Variants in CCDC171 observed in about 807,000 individuals in gnomAD.
CCDC171 encodes coiled-coil domain containing 171.
Under a neutral mutation model 168.2 loss-of-function variants are expected in CCDC171, and 177 were observed. The ratio of observed to expected loss-of-function variants is 1.05; its 90% CI spans 0.93 to 1.19. The LOEUF (loss-of-function observed/expected upper bound fraction) is 1.19, where lower values mean the gene tolerates loss of function less well. Ranked by LOEUF, CCDC171 falls within the 50% of genes most tolerant of loss-of-function variation. CCDC171 has a pLI of 0.00. For missense variants in CCDC171, 1,991 were observed against 1,539.0 expected (o/e 1.29, Z -4.91); for synonymous variants, 687 against 540.8 (o/e 1.27, Z -3.75).
chr9:15,713,775 G>T (rs546377805), intron 11 of CCDC171, among the ~76,000 whole-genome samples: 3 of 151,866 alleles, frequency 2.0e-5, no homozygotes, highest in African/African-American at 4.8e-5. Flanking sequence ...TGTTCATCAG[G>T]TGCATTCAGA....
At chr9:15,870,755 C>T (rs1403071286) in intron 23 of CCDC171, among the ~76,000 whole-genome samples, 1 of 149,776 alleles carries the variant, frequency 6.7e-6, no homozygotes, top group Non-Finnish European at 1.5e-5. Flanking sequence ...CTAGAAATGA[C>T]TAATTTAATT....
At chr9:15,570,814 G>A (rs1227097225) in intron 2 of CCDC171, among the ~76,000 whole-genome samples, 2 of 152,144 alleles carry the variant, frequency 1.3e-5, no homozygotes, top group African/African-American at 4.8e-5. Context: ...CAAGCTTCTT[G>A]TATATAGTAT....
chr9:15,964,660 C>G (rs1830631091), intron 25 of CCDC171, among the ~76,000 whole-genome samples: 1 of 152,134 alleles, frequency 6.6e-6, no homozygotes, highest in East Asian at 1.9e-4. Flanking sequence ...ATCAGGAAAT[C>G]TAAACATCCT....
At chr9:16,028,876 G>C (rs2133036920) in intron 6 of CCDC171, among the ~76,000 whole-genome samples, 1 of 152,252 alleles carries the variant, frequency 6.6e-6, no homozygotes, top group South Asian at 2.1e-4. Flanking sequence ...TGCAGTCTAA[G>C]GCACTTCCAA....
chr9:15,891,540 A>T (rs544063751), intron 24 of CCDC171, among the ~76,000 whole-genome samples: 2 of 152,272 alleles, frequency 1.3e-5, no homozygotes, highest in East Asian at 3.9e-4. Flanking sequence ...TTTAGTCTGC[A>T]AAAAGTGTAA....
chr9:15,802,084 T>C (rs1358583029), intron 21 of CCDC171, among the ~76,000 whole-genome samples: 1 of 151,932 alleles, frequency 6.6e-6, no homozygotes, highest in Non-Finnish European at 1.5e-5. Context: ...GTTTTCTTTT[T>C]TTGATTTGTC....
chr9:15,772,676 C>A (rs1381103305), intron 18 of CCDC171, among the ~76,000 whole-genome samples: 1 of 152,136 alleles, frequency 6.6e-6, no homozygotes, highest in Admixed American at 6.6e-5. Context: ...GTTTAAAATC[C>A]ATTCTTAGAT....
At chr9:15,967,362 A>C (rs181257763) in intron 25 of CCDC171, among the ~76,000 whole-genome samples, 1 of 152,218 alleles carries the variant, frequency 6.6e-6, no homozygotes. Flanking sequence ...AGTAATGAAA[A>C]GAGTACTATA....
chr9:15,843,638 A>G (rs1238719625), intron 21 of CCDC171, among the ~76,000 whole-genome samples: 1 of 152,106 alleles, frequency 6.6e-6, no homozygotes, highest in African/African-American at 2.4e-5. Flanking sequence ...GTATACAAAT[A>G]AAACTTCCCT....
intron 18 of CCDC171, among the ~76,000 whole-genome samples, chr9:15,762,760 C>T (rs1329341179): frequency 6.6e-6 from 1 of 152,122 alleles, no homozygotes; most frequent in African/African-American, 2.4e-5. Context: ...AAATGTATAG[C>T]ACATTCTTTT....
chr9:16,060,256 T>G (rs1017057664), intron 1 of CCDC171, among the ~76,000 whole-genome samples: 3 of 152,108 alleles, frequency 2.0e-5, no homozygotes, highest in Non-Finnish European at 4.4e-5. Context: ...GGGAGAGAGT[T>G]GTCAGTACCG....
At chr9:16,084,780 T>C in the CCDC171 span, among the ~76,000 whole-genome samples, 1 of 152,136 alleles carries the variant, frequency 6.6e-6, no homozygotes, top group Non-Finnish European at 1.5e-5. Flanking sequence ...ACCCAATTCC[T>C]TCATTTAACA....
chr9:15,629,116 C>T (rs1401425553), intron 7 of CCDC171, among the ~76,000 whole-genome samples: 1 of 152,094 alleles, frequency 6.6e-6, no homozygotes, highest in Non-Finnish European at 1.5e-5. Flanking sequence ...CTCTAAAAAG[C>T]AGAGCGCCTC....
intron 24 of CCDC171, among the ~76,000 whole-genome samples, chr9:15,896,350 C>G (rs763828926): frequency 6.6e-6 from 1 of 152,028 alleles, no homozygotes; most frequent in Non-Finnish European, 1.5e-5. Context: ...TGTTCTGCAA[C>G]TCTGCTGAAT....
At chr9:15,840,103 G>T (rs1313184526) in intron 21 of CCDC171, among the ~76,000 whole-genome samples, 1 of 151,988 alleles carries the variant, frequency 6.6e-6, no homozygotes, top group Admixed American at 6.6e-5. Flanking sequence ...AAATATTAAT[G>T]TAAGAGTATT....
At chr9:16,069,601 A>G in the CCDC171 span, among the ~76,000 whole-genome samples, 1 of 152,250 alleles carries the variant, frequency 6.6e-6, no homozygotes, top group Non-Finnish European at 1.5e-5. Flanking sequence ...ACTGTGCTAC[A>G]TTAGAATTTA....
chr9:15,881,382 A>G (rs374920187), intron 24 of CCDC171, among the ~76,000 whole-genome samples: 1 of 152,216 alleles, frequency 6.6e-6, no homozygotes, highest in African/African-American at 2.4e-5. Flanking sequence ...TTTAGGGTAC[A>G]TGTGATAATT....
intron 21 of CCDC171, among the ~76,000 whole-genome samples, chr9:15,838,692 A>G (rs2060552987): frequency 6.6e-6 from 1 of 152,194 alleles, no homozygotes; most frequent in Non-Finnish European, 1.5e-5. Flanking sequence ...TCAGCCGCCC[A>G]AAGTGCTGAG....
At chr9:15,710,243 C>A (rs950738162) in intron 11 of CCDC171, among the ~76,000 whole-genome samples, 5 of 152,038 alleles carry the variant, frequency 3.3e-5, no homozygotes, top group African/African-American at 4.8e-5. Flanking sequence ...CAGAGAAGGT[C>A]TAGATATTAT....
Sources: allele counts gnomAD v4.1 joint callset (sites outside exome capture counted in the v4.1 genomes callset), GRCh38; gene constraint gnomAD v4.1.1; transcripts MANE v1.5; gene names NCBI Gene and HGNC (gene_info 2026-07-23, HGNC 2026-07-21).